LIMCH1: variants seen among roughly 807,000 people sequenced by gnomAD.
LIMCH1 encodes LIM and calponin homology domains-containing protein 1.
In LIMCH1, 113 loss-of-function variants were observed where a neutral mutation model predicts 176.5. The observed-to-expected ratio is 0.64, with a 90% CI of 0.55 to 0.75. LIMCH1 has a LOEUF of 0.75. LIMCH1 is among the 30% of genes least tolerant of loss of function. The pLI is 0.00. For missense variants in LIMCH1, 1,674 were observed against 1,814.9 expected (o/e 0.92, Z 1.41); for synonymous variants, 619 against 645.9 (o/e 0.96, Z 0.63).
intron 1 of LIMCH1, among the ~76,000 whole-genome samples, chr4:41,565,905 G>A (rs1252916678): frequency 6.6e-6 from 1 of 152,170 alleles, no homozygotes; most frequent in Admixed American, 6.5e-5. Context: ...AACATTTGGG[G>A]ATACAGACTG....
At chr4:41,650,198 A>G (rs1298847648) in intron 17 of LIMCH1, among the ~76,000 whole-genome samples, 195 bp from the exon 18 acceptor site, 1 of 152,236 alleles carries the variant, frequency 6.6e-6, no homozygotes, top group Non-Finnish European at 1.5e-5. Flanking sequence ...ACTACCTTTT[A>G]AGGAGGCCCT....
chr4:41,639,317 T>C (rs1311505666), intron 14 of LIMCH1, among the ~76,000 whole-genome samples: 1 of 152,262 alleles, frequency 6.6e-6, no homozygotes, highest in African/African-American at 2.4e-5. Flanking sequence ...ACTTAATTCT[T>C]GATATGTTGG....
At chr4:41,559,881 C>T (rs2081832739) in intron 1 of LIMCH1, among the ~76,000 whole-genome samples, 1 of 152,148 alleles carries the variant, frequency 6.6e-6, no homozygotes, top group South Asian at 2.1e-4. Context: ...CTCTTGACAA[C>T]TCTGCTTGCT....
chr4:41,441,992 C>A (rs1166613643), intron 1 of LIMCH1, among the ~76,000 whole-genome samples: 1 of 152,080 alleles, frequency 6.6e-6, no homozygotes, highest in Non-Finnish European at 1.5e-5. Flanking sequence ...ACATGGAGAC[C>A]ACAAAAGCTG....
intron 1 of LIMCH1, among the ~76,000 whole-genome samples, chr4:41,432,007 G>T (rs187429955): frequency 1.3e-5 from 2 of 152,302 alleles, no homozygotes; most frequent in East Asian, 3.9e-4. Context: ...AGGCAGCTAT[G>T]ACTATTACTT....
intron 19 of LIMCH1, among the ~76,000 whole-genome samples, 169 bp downstream of exon 19, chr4:41,661,679 A>G (rs1041183336): frequency 1.3e-5 from 2 of 152,178 alleles, no homozygotes; most frequent in South Asian, 2.1e-4. Context: ...TTCTGCCCGT[A>G]TGGTTAATGT....
chr4:41,695,120 T>C (rs1302509017), intron 31 of LIMCH1, among the ~76,000 whole-genome samples: 1 of 152,072 alleles, frequency 6.6e-6, no homozygotes, highest in Non-Finnish European at 1.5e-5. Flanking sequence ...AAATTTGCCA[T>C]TTGTTATATT....
At chr4:41,406,284 G>A (rs2058954544) in intron 1 of LIMCH1, among the ~76,000 whole-genome samples, 1 of 152,158 alleles carries the variant, frequency 6.6e-6, no homozygotes, top group African/African-American at 2.4e-5. Flanking sequence ...TTTATGAAAA[G>A]TCTACTTTTA....
Position 41,671,566 on chromosome 4 carries a change from G to T in LIMCH1, c.3410G>T (p.Ser1137Ile), listed in dbSNP as rs144519862. ...PNLNSQVDSP[S>I]SEKSPVMTPF... ...TTTTTCTGTGCAGTGGATTCTCCAA[G>T]CAGTGAGAAGTCACCTGTTATGACA... is the stretch of plus-strand genomic sequence containing the variant. Residue 1137 changes from serine (S) to isoleucine (I), a missense_variant, in exon 22 of 32, where the codon AGC becomes ATC. Ser to Ile is a moderately radical substitution (Grantham distance 142, BLOSUM62 -2). This residue lies in a region of LIMCH1 where 1,015 missense variants were observed against 1,102.5 expected (regional missense o/e 0.92). Transcript: ENST00000503057. 22 of 1,604,310 alleles carry T rather than the reference G, an allele frequency of 1.4e-5. No homozygotes were observed. Among genetic ancestry groups the T allele is most frequent in the Non-Finnish European group, 1.9e-5 (22 of 1,171,900 alleles).
intron 17 of LIMCH1, among the ~76,000 whole-genome samples, chr4:41,648,353 ACT>A (rs1491536263): frequency 2.0e-5 from 3 of 151,652 alleles, no homozygotes; most frequent in Admixed American, 1.3e-4. Context: ...CTCTGAGAAA[ACT>A]CTGTTCTTCA....
chr4:41,638,062 C>T (rs1047446980), intron 13 of LIMCH1, among the ~76,000 whole-genome samples: 1 of 151,800 alleles, frequency 6.6e-6, no homozygotes, highest in Non-Finnish European at 1.5e-5. Flanking sequence ...TTAAAACTCG[C>T]CTTTGCTGAA....
At chr4:41,663,048 A>G in intron 20 of LIMCH1, 64 bp downstream of exon 20, 2 of 1,455,162 alleles carry the variant, frequency 1.4e-6, no homozygotes, top group Non-Finnish European at 1.9e-6. Flanking sequence ...TATTACAGCT[A>G]GCTGCTGCTG....
At chr4:41,614,994 A>AC (rs1226427865) in intron 5 of LIMCH1, among the ~76,000 whole-genome samples, 1 of 152,200 alleles carries the variant, frequency 6.6e-6, no homozygotes, top group Non-Finnish European at 1.5e-5. Context: ...AAATAGTTTA[A>AC]CCTTGGGGCC....
chr4:41,581,817 A>C (rs922597742), intron 1 of LIMCH1, among the ~76,000 whole-genome samples: 11 of 150,698 alleles, frequency 7.3e-5, no homozygotes, highest in African/African-American at 2.0e-4. Flanking sequence ...AAAAAAAAAA[A>C]AAAAAAAAAA....
chr4:41,651,406 C>G (rs2094293112), intron 18 of LIMCH1, among the ~76,000 whole-genome samples: 1 of 152,148 alleles, frequency 6.6e-6, no homozygotes, highest in Non-Finnish European at 1.5e-5. Flanking sequence ...AGCCCTATTT[C>G]CAAAGGTCAC....
At position 41,685,726 on chromosome 4, in the gene LIMCH1, G is replaced by A. The variant is rs1393572301; in HGVS notation, c.3984G>A (p.Gln1328=). 3.1e-6 allele frequency: 5 copies of A among 1,613,430 alleles called. No homozygotes were observed. Among genetic ancestry groups the A allele is most frequent in the Non-Finnish European group, 4.2e-6 (5 of 1,179,644 alleles). The change falls in exon 28 of 32, where the codon CAG becomes CAA. Residue 1328 remains glutamine, a synonymous_variant. Transcript: ENST00000503057. ...PQLAQDPSQN[Q]QTSNPTHSSE... ...TGGCCTCAGATCCATCCCAGAATCAGCAGACATCAAATCCAACGCACAGTT... is the reference window on the plus strand; with the variant it reads ...TGGCCTCAGATCCATCCCAGAATCAACAGACATCAAATCCAACGCACAGTT...
chr4:41,468,301 C>A (rs1241750924), intron 1 of LIMCH1, among the ~76,000 whole-genome samples: 7 of 85,724 alleles, frequency 8.2e-5, no homozygotes, highest in African/African-American at 3.3e-4. Flanking sequence ...CCCTGCCCTG[C>A]CTGCCCTGCC....
At chr4:41,489,143 T>A (rs2070269662) in intron 1 of LIMCH1, among the ~76,000 whole-genome samples, 1 of 152,180 alleles carries the variant, frequency 6.6e-6, no homozygotes, top group Non-Finnish European at 1.5e-5. Context: ...ATTCTTGATA[T>A]CAGTAATTTC....
intron 1 of LIMCH1, among the ~76,000 whole-genome samples, chr4:41,588,791 A>G (rs7674041): frequency 0.35 from 53,057 of 152,114 alleles, 14,824 homozygotes; most frequent in African/African-American, 0.78. Flanking sequence ...GCAGAGACCG[A>G]GAGCCTGTCT....
Sources: allele counts gnomAD v4.1 joint callset (sites outside exome capture counted in the v4.1 genomes callset), GRCh38; gene constraint gnomAD v4.1.1; regional missense constraint gnomAD v4.1.1; transcripts MANE v1.5; gene names NCBI Gene and HGNC (gene_info 2026-07-23, HGNC 2026-07-21).